Variants in APELA observed in about 807,000 individuals in gnomAD.
APELA encodes the protein protein Elabela.
At chr4:164,889,694 C>A (rs1345033101) in intron 2 of APELA, among the ~76,000 whole-genome samples, 3 of 152,144 alleles carry the variant, frequency 2.0e-5, no homozygotes, top group African/African-American at 7.2e-5. Context: ...CTTTGAATGA[C>A]ACTGTAGTCC....
chr4:164,887,731 C>T (rs1730800987), intron 2 of APELA, among the ~76,000 whole-genome samples: 1 of 151,968 alleles, frequency 6.6e-6, no homozygotes, highest in Non-Finnish European at 1.5e-5. Context: ...CCTGCCTCAG[C>T]CTCCTGAGTA....
chr4:164,898,202 G>A (rs991109143), downstream of APELA, among the ~76,000 whole-genome samples: 1 of 148,396 alleles, frequency 6.7e-6, no homozygotes, highest in African/African-American at 2.5e-5. Context: ...AATTATTTTT[G>A]TATTAAAAGT....
At chr4:164,882,645 T>C (rs1730675543) in intron 2 of APELA, among the ~76,000 whole-genome samples, 1 of 152,150 alleles carries the variant, frequency 6.6e-6, no homozygotes, top group South Asian at 2.1e-4. Context: ...GTGCACAACG[T>C]GCAGGTTTGT....
intron 2 of APELA, among the ~76,000 whole-genome samples, chr4:164,885,506 C>T (rs1455151747): frequency 2.0e-5 from 3 of 151,734 alleles, no homozygotes; most frequent in African/African-American, 7.3e-5. Context: ...TTTGGGAGGT[C>T]AAGGTGGGCA....
In APELA at chr4:164,897,335, C is replaced by A. The variant is rs189191614; in HGVS notation, c.*1921C>A. ...GTTATATTTATGTTTAAAACATGTA[C>A]TGGTTTGTATATTTTGTACTGAAAA... On this transcript the variant is annotated 3_prime_UTR_variant, in exon 3 of 3. Coordinates refer to ENST00000507152, the MANE Select transcript of APELA (RefSeq NM_001297550.2). 2 of 152,262 alleles carry A rather than the reference C, an allele frequency of 1.3e-5. No homozygotes were observed. The highest frequency in any genetic ancestry group is 1.3e-4 in the Admixed American group (2 of 15,302). 9.4% of individuals were successfully genotyped at this position (152,262 alleles called of 1,614,324 possible). A position where few individuals can be genotyped will look rare whatever the true frequency, so the allele number is the denominator to read the frequency against.
intron 2 of APELA, among the ~76,000 whole-genome samples, chr4:164,893,298 C>T (rs948943438): frequency 2.6e-5 from 4 of 152,110 alleles, no homozygotes; most frequent in African/African-American, 4.8e-5. Context: ...CATTGTCAGT[C>T]ATCTCAAAAT....
chr4:164,893,742 G>GT (rs940232464), intron 2 of APELA, among the ~76,000 whole-genome samples: 8 of 152,182 alleles, frequency 5.3e-5, no homozygotes, highest in Admixed American at 5.2e-4. Flanking sequence ...GGTTAATCAT[G>GT]TTTTTTGTTT....
chr4:164,892,127 A>T (rs2111067376), intron 2 of APELA, among the ~76,000 whole-genome samples: 1 of 152,122 alleles, frequency 6.6e-6, no homozygotes, highest in East Asian at 1.9e-4. Context: ...CCTGGGCAAT[A>T]TAGCAAAACC....
chr4:164,898,076 A>G (rs1731011662), downstream of APELA, among the ~76,000 whole-genome samples: 1 of 151,926 alleles, frequency 6.6e-6, no homozygotes, highest in South Asian at 2.1e-4. Context: ...TTTTTATTAG[A>G]GACGGGGGTT....
chr4:164,881,933 G>C (rs1730660649), intron 2 of APELA, among the ~76,000 whole-genome samples: 1 of 151,636 alleles, frequency 6.6e-6, no homozygotes, highest in South Asian at 2.1e-4. Flanking sequence ...TAGCTATTTG[G>C]GGGGCTGAGG....
chr4:164,888,029 T>C (rs911511039), intron 2 of APELA, among the ~76,000 whole-genome samples: 4 of 152,100 alleles, frequency 2.6e-5, no homozygotes, highest in African/African-American at 9.7e-5. Flanking sequence ...GCACCATACT[T>C]ATTTCCACTA....
chr4:164,887,650 C>T (rs1435421294), intron 2 of APELA, among the ~76,000 whole-genome samples: 3 of 151,168 alleles, frequency 2.0e-5, no homozygotes, highest in Admixed American at 6.6e-5. Context: ...TCTCTCTTGT[C>T]ACCCAGGCTG....
intron 2 of APELA, among the ~76,000 whole-genome samples, chr4:164,887,710 T>C (rs4463030): frequency 0.061 from 9,265 of 151,754 alleles, 876 homozygotes; most frequent in African/African-American, 0.2. Context: ...CTCCTGGGTT[T>C]AAGCGATTCT....
intron 2 of APELA, among the ~76,000 whole-genome samples, chr4:164,891,006 G>T (rs1730871840): frequency 6.6e-6 from 1 of 152,046 alleles, no homozygotes; most frequent in East Asian, 1.9e-4. Context: ...TGTGCTTATT[G>T]GATATTTGTG....
chr4:164,883,212 C>A (rs1174827884), intron 2 of APELA, among the ~76,000 whole-genome samples: 1 of 152,192 alleles, frequency 6.6e-6, no homozygotes, highest in Non-Finnish European at 1.5e-5. Flanking sequence ...AGCATAGAAT[C>A]TCTACTTTCA....
intron 2 of APELA, among the ~76,000 whole-genome samples, chr4:164,882,346 G>GC (rs200089150): frequency 2.2e-4 from 33 of 151,840 alleles, no homozygotes; most frequent in Admixed American, 1.3e-3. Context: ...CAGGTGATCT[G>GC]CCCCCCCTCA....
At chr4:164,891,096 G>GAT (rs922165339) in intron 2 of APELA, among the ~76,000 whole-genome samples, 19 of 151,706 alleles carry the variant, frequency 1.3e-4, no homozygotes, top group African/African-American at 4.1e-4. Context: ...TGAGCTGTAA[G>GAT]ATATATATAT....
At chr4:164,882,252 C>T (rs1049055285) in intron 2 of APELA, among the ~76,000 whole-genome samples, 3 of 152,024 alleles carry the variant, frequency 2.0e-5, no homozygotes, top group East Asian at 3.9e-4. Context: ...TACAGGCATG[C>T]ACCACCATAC....
intron 2 of APELA, among the ~76,000 whole-genome samples, chr4:164,880,256 C>T (rs1044828256): frequency 2.6e-5 from 4 of 152,154 alleles, no homozygotes; most frequent in African/African-American, 9.7e-5. Context: ...GCTTTCCAAA[C>T]CCGGGGAAAG....
Sources: allele counts gnomAD v4.1 joint callset (sites outside exome capture counted in the v4.1 genomes callset), GRCh38; gene constraint gnomAD v4.1.1; transcripts MANE v1.5; gene names NCBI Gene and HGNC (gene_info 2026-07-23, HGNC 2026-07-21).